The following SEMA3E variants were observed in gnomAD, a reference collection of about 807,000 sequenced individuals.
The protein encoded by SEMA3E is semaphorin-3E.
In SEMA3E, 49 loss-of-function variants were observed where a neutral mutation model predicts 93.6. The observed-to-expected ratio is 0.52, with a 90% CI of 0.42 to 0.66. The LOEUF is 0.66. Ranked by LOEUF, SEMA3E falls within the 30% of genes least tolerant of loss-of-function variation. The pLI is 0.00. For missense variants in SEMA3E, 906 were observed against 964.8 expected (o/e 0.94, Z 0.81); for synonymous variants, 363 against 330.7 (o/e 1.10, Z -1.06).
At chr7:83,410,085 GATAA>G (rs1181177911) in intron 5 of SEMA3E, among the ~76,000 whole-genome samples, 1 of 151,444 alleles carries the variant, frequency 6.6e-6, no homozygotes, top group Non-Finnish European at 1.5e-5. Flanking sequence ...ATTTTAAAAA[GATAA>G]ATAATTCTAA....
At chr7:83,390,785 C>G (rs1039939703) in intron 14 of SEMA3E, among the ~76,000 whole-genome samples, 1 of 152,180 alleles carries the variant, frequency 6.6e-6, no homozygotes, top group African/African-American at 2.4e-5. Context: ...TCCAGCATTT[C>G]ATGCCTTCCT....
At chr7:83,546,321 G>GGTGTGTGTGTGTGT (rs67647992) in intron 1 of SEMA3E, among the ~76,000 whole-genome samples, 1 of 129,406 alleles carries the variant, frequency 7.7e-6, no homozygotes, top group Admixed American at 8.4e-5. Context: ...TATAATAAGG[G>GGTGTGTGTGTGTGT]GTGTGTGTGT....
intron 4 of SEMA3E, among the ~76,000 whole-genome samples, chr7:83,454,874 C>T (rs891429034): frequency 7.2e-5 from 11 of 152,144 alleles, no homozygotes; most frequent in Admixed American, 5.9e-4. Context: ...TATTTAACTA[C>T]AGAATACAAG....
At chr7:83,480,346 T>C (rs936977186) in intron 2 of SEMA3E, among the ~76,000 whole-genome samples, 2 of 152,110 alleles carry the variant, frequency 1.3e-5, no homozygotes, top group African/African-American at 4.8e-5. Context: ...GAGAATCAAT[T>C]GAACCCTAGA....
chr7:83,430,643 A>G (rs938091448), intron 4 of SEMA3E, among the ~76,000 whole-genome samples: 1 of 152,110 alleles, frequency 6.6e-6, no homozygotes, highest in Non-Finnish European at 1.5e-5. Flanking sequence ...ACACATGGAC[A>G]CAGGGAGGGG....
At chr7:83,516,220 C>A (rs1044636329) in intron 1 of SEMA3E, among the ~76,000 whole-genome samples, 1 of 152,088 alleles carries the variant, frequency 6.6e-6, no homozygotes, top group Non-Finnish European at 1.5e-5. Context: ...GGACTAATTT[C>A]TGGGCACACT....
Position 83,630,657 on chromosome 7 carries a change from G to A in SEMA3E, c.115+17771C>T, listed in dbSNP as rs549958369. Among the ~76,000 whole-genome samples, 110 of 152,178 alleles carry A rather than the reference G, an allele frequency of 7.2e-4. 1 individual carries two copies. Among genetic ancestry groups the A allele is most frequent in the Non-Finnish European group, 1.0e-3 (69 of 67,992 alleles). On this transcript the variant is annotated intron_variant, in intron 1 of 16. Transcript: ENST00000643230. ...GCTACAAGAACTGTAATATGGATAG[G>A]TGCATATGATCATTAGTGATATTCC...
intron 1 of SEMA3E, among the ~76,000 whole-genome samples, chr7:83,566,646 A>G (rs941162609): frequency 6.6e-6 from 1 of 152,208 alleles, no homozygotes; most frequent in African/African-American, 2.4e-5. Context: ...TTGTCCCAAC[A>G]TACTTACGTT....
chr7:83,454,272 A>AAAAAAATATATATATATATATATAT (rs1257792756), intron 4 of SEMA3E, among the ~76,000 whole-genome samples: 1 of 110,136 alleles, frequency 9.1e-6, no homozygotes, highest in African/African-American at 4.3e-5. Context: ...AAAAAAAAAA[A>AAAAAAATATATATATATATATATAT]ATATATATAT....
At chr7:83,417,082 TAA>T (rs1257694565) in intron 5 of SEMA3E, among the ~76,000 whole-genome samples, 5 of 141,326 alleles carry the variant, frequency 3.5e-5, no homozygotes, top group Non-Finnish European at 7.8e-5. Context: ...ATTTTCTCTT[TAA>T]TATTTATTTT....
chr7:83,453,463 T>G (rs1789407196), intron 4 of SEMA3E, among the ~76,000 whole-genome samples: 1 of 151,464 alleles, frequency 6.6e-6, no homozygotes, highest in Non-Finnish European at 1.5e-5. Flanking sequence ...ATCTCTATTT[T>G]TATGGCCCGT....
At chr7:83,619,515 G>A (rs1024514926) in intron 1 of SEMA3E, among the ~76,000 whole-genome samples, 10 of 151,710 alleles carry the variant, frequency 6.6e-5, no homozygotes, top group African/African-American at 1.9e-4. Context: ...ATTTTAAATG[G>A]TCCATCAATT....
At chr7:83,380,586 C>T (rs935825426) in intron 16 of SEMA3E, among the ~76,000 whole-genome samples, 1 of 151,980 alleles carries the variant, frequency 6.6e-6, no homozygotes, top group Non-Finnish European at 1.5e-5. Context: ...CAAATGTCAT[C>T]TCTGCCATGA....
chr7:83,427,873 A>T (rs762728847), intron 4 of SEMA3E, among the ~76,000 whole-genome samples: 2 of 152,186 alleles, frequency 1.3e-5, no homozygotes, highest in Non-Finnish European at 2.9e-5. Flanking sequence ...CACGACTTAC[A>T]CTGGCTTTCT....
intron 4 of SEMA3E, among the ~76,000 whole-genome samples, chr7:83,462,699 G>A (rs1352392291): frequency 6.7e-6 from 1 of 150,048 alleles, no homozygotes; most frequent in Non-Finnish European, 1.5e-5. Context: ...GTTATCACTC[G>A]CCTGCTACAG....
At chr7:83,381,486 C>T (rs1456993378) in intron 16 of SEMA3E, among the ~76,000 whole-genome samples, 3 of 151,776 alleles carry the variant, frequency 2.0e-5, no homozygotes, top group East Asian at 3.9e-4. Context: ...TTAGTGAGGC[C>T]TTCTATGGCC....
At chr7:83,430,647 G>A (rs1183342472) in intron 4 of SEMA3E, among the ~76,000 whole-genome samples, 1 of 152,062 alleles carries the variant, frequency 6.6e-6, no homozygotes, top group Non-Finnish European at 1.5e-5. Context: ...ATGGACACAG[G>A]GAGGGGAACA....
intron 1 of SEMA3E, among the ~76,000 whole-genome samples, chr7:83,533,109 C>G (rs954978864): frequency 9.2e-5 from 14 of 152,164 alleles, no homozygotes; most frequent in Non-Finnish European, 2.1e-4. Context: ...CTCTCCTCCT[C>G]CTTCTCCTCC....
chr7:83,529,528 C>T (rs1174311244), intron 1 of SEMA3E, among the ~76,000 whole-genome samples: 7 of 152,076 alleles, frequency 4.6e-5, no homozygotes, highest in African/African-American at 9.7e-5. Context: ...AATTTACAAA[C>T]ATTTTGTGAA....
Sources: gnomAD v4.1 joint callset for allele counts (sites outside exome capture counted in the v4.1 genomes callset) on GRCh38, gnomAD v4.1.1 for gene constraint, MANE v1.5 for transcripts, NCBI Gene and HGNC (gene_info 2026-07-23, HGNC 2026-07-21) for gene names.